The following ZNF385D variants were observed in gnomAD, a reference collection of about 807,000 sequenced individuals.
ZNF385D encodes the protein zinc finger protein 659.
Under a neutral mutation model 35.8 loss-of-function variants are expected in ZNF385D, and 15 were observed. That is an observed-to-expected ratio of 0.42 (90% CI 0.28 to 0.64). ZNF385D has a LOEUF of 0.64. Among genes scored for constraint, ZNF385D ranks in the 30% least tolerant of loss-of-function variants. The pLI, the probability that ZNF385D is intolerant of heterozygous loss-of-function variation, is 0.23. For missense variants in ZNF385D, 474 were observed against 494.6 expected (o/e 0.96, Z 0.39); for synonymous variants, 212 against 186.8 (o/e 1.13, Z -1.10).
chr3:22,178,315 T>G (rs138390924), intron 2 of ZNF385D, among the ~76,000 whole-genome samples: 2,701 of 152,336 alleles, frequency 0.018, 72 homozygotes, highest in African/African-American at 0.059. Context: ...TGGTTTTGAT[T>G]TGCATTTCTC....
At chr3:22,154,374 C>T (rs1705449415) in intron 3 of ZNF385D, among the ~76,000 whole-genome samples, 1 of 152,128 alleles carries the variant, frequency 6.6e-6, no homozygotes, top group Non-Finnish European at 1.5e-5. Context: ...GTTTTCTTGC[C>T]TCTTACCTTC....
chr3:21,428,893 C>T (rs1011396686), intron 5 of ZNF385D, among the ~76,000 whole-genome samples: 2 of 150,092 alleles, frequency 1.3e-5, no homozygotes, highest in African/African-American at 2.5e-5. Context: ...ATACTCCAAC[C>T]ACAGTCTAAA....
chr3:21,886,410 C>G (rs1412143302), intron 3 of ZNF385D, among the ~76,000 whole-genome samples: 2 of 151,904 alleles, frequency 1.3e-5, no homozygotes, highest in Admixed American at 1.3e-4. Context: ...CAGAACTGTG[C>G]AACATTTGAA....
At chr3:21,702,561 G>T (rs1202364563) in intron 1 of ZNF385D, among the ~76,000 whole-genome samples, 1 of 152,228 alleles carries the variant, frequency 6.6e-6, no homozygotes, top group Non-Finnish European at 1.5e-5. Context: ...AATTTCTGCA[G>T]CCAGCTTGAA....
chr3:22,250,684 C>T (rs1164923833), intron 2 of ZNF385D, among the ~76,000 whole-genome samples: 1 of 152,048 alleles, frequency 6.6e-6, no homozygotes, highest in Non-Finnish European at 1.5e-5. Context: ...CACAGAGCCC[C>T]ATGCCATTGC....
At chr3:22,313,920 A>C (rs183379428) in intron 2 of ZNF385D, among the ~76,000 whole-genome samples, 1 of 152,126 alleles carries the variant, frequency 6.6e-6, no homozygotes, top group Non-Finnish European at 1.5e-5. Context: ...TTGCTTCTTC[A>C]TTTTGGCTCT....
rs150540833 is a variant in ZNF385D at position 22,243,758 on chromosome 3, G to A, written c.107-74723C>T. Among the ~76,000 whole-genome samples, 657 of 150,912 alleles carry A rather than the reference G, an allele frequency of 4.4e-3. 37 individuals are homozygous for A. Among genetic ancestry groups the A allele is most frequent in the African/African-American group, 0.015 (593 of 40,828 alleles). On this transcript the variant is annotated intron_variant, in intron 2 of 5. Transcript: ENST00000494108. Reference sequence around the variant, plus strand: ...ATATTGAGCCTGGAAAAATGGTACCGTTATCAAGATTGGGCAAATAGGGTG... The same window carrying A: ...ATATTGAGCCTGGAAAAATGGTACCATTATCAAGATTGGGCAAATAGGGTG...
chr3:22,226,882 A>G (rs1204252660), intron 2 of ZNF385D, among the ~76,000 whole-genome samples: 1 of 152,108 alleles, frequency 6.6e-6, no homozygotes, highest in Non-Finnish European at 1.5e-5. Flanking sequence ...TATGACCTTA[A>G]TATTCTCTCC....
At chr3:21,916,029 T>C (rs1236188186) in intron 3 of ZNF385D, among the ~76,000 whole-genome samples, 6 of 152,192 alleles carry the variant, frequency 3.9e-5, no homozygotes, top group African/African-American at 1.4e-4. Flanking sequence ...CACTAGGTTT[T>C]GTTTTAAAAG....
At chr3:21,974,725 GA>G (rs1043943757) in intron 3 of ZNF385D, among the ~76,000 whole-genome samples, 2 of 151,568 alleles carry the variant, frequency 1.3e-5, no homozygotes, top group African/African-American at 4.8e-5. Context: ...AACTCAATAA[GA>G]AAAAAAACCA....
At chr3:21,819,390 A>G (rs978113267) in intron 3 of ZNF385D, among the ~76,000 whole-genome samples, 1 of 151,504 alleles carries the variant, frequency 6.6e-6, no homozygotes, top group Non-Finnish European at 1.5e-5. Flanking sequence ...ACAAGGTAAC[A>G]GAAAAAAATC....
intron 2 of ZNF385D, among the ~76,000 whole-genome samples, chr3:22,189,530 G>A (rs1023905233): frequency 2.6e-5 from 4 of 152,064 alleles, no homozygotes; most frequent in Non-Finnish European, 1.5e-5. Flanking sequence ...TTTGAATCAG[G>A]AATAAGGGAA....
intron 3 of ZNF385D, among the ~76,000 whole-genome samples, chr3:21,989,246 A>G (rs1695009863): frequency 6.6e-6 from 1 of 152,166 alleles, no homozygotes; most frequent in Admixed American, 6.5e-5. Flanking sequence ...TTACATATCA[A>G]AGCTCAACCA....
At chr3:21,520,039 G>A (rs1316778345) in intron 3 of ZNF385D, among the ~76,000 whole-genome samples, 3 of 152,152 alleles carry the variant, frequency 2.0e-5, no homozygotes, top group Admixed American at 1.3e-4. Context: ...TACTCCCAAT[G>A]TCTGCTCTCT....
chr3:22,362,284 G>GT (rs778114729), intron 2 of ZNF385D, among the ~76,000 whole-genome samples: 4 of 150,486 alleles, frequency 2.7e-5, no homozygotes, highest in African/African-American at 4.9e-5. Context: ...AACTTGCATT[G>GT]ATTTTTTTTT....
At chr3:21,707,308 G>A (rs1206808310) in intron 1 of ZNF385D, among the ~76,000 whole-genome samples, 1 of 152,150 alleles carries the variant, frequency 6.6e-6, no homozygotes, top group African/African-American at 2.4e-5. Context: ...TATAAATTGT[G>A]CACAGGTGTG....
chr3:21,853,501 G>T (rs1455041608), intron 3 of ZNF385D, among the ~76,000 whole-genome samples: 6 of 126,256 alleles, frequency 4.8e-5, no homozygotes, highest in African/African-American at 2.0e-4. Flanking sequence ...GTTTAAAATT[G>T]CAGTCCTTTT....
At chr3:21,747,354 G>T (rs985759092) in intron 1 of ZNF385D, among the ~76,000 whole-genome samples, 3 of 152,080 alleles carry the variant, frequency 2.0e-5, no homozygotes, top group African/African-American at 7.2e-5. Flanking sequence ...TCTCATGGGG[G>T]CAAGCCCCAG....
intron 3 of ZNF385D, among the ~76,000 whole-genome samples, chr3:22,016,120 T>G (rs1199689196): frequency 6.6e-6 from 1 of 152,134 alleles, no homozygotes; most frequent in Non-Finnish European, 1.5e-5. Flanking sequence ...TTCAATTTAG[T>G]CTATAAAACA....
Sources: allele counts gnomAD v4.1 joint callset (sites outside exome capture counted in the v4.1 genomes callset), GRCh38; gene constraint gnomAD v4.1.1; transcripts MANE v1.5; gene names NCBI Gene and HGNC (gene_info 2026-07-23, HGNC 2026-07-21).